The following OTOF variants were observed in gnomAD, a reference collection of about 807,000 sequenced individuals.
OTOF encodes otoferlin.
A neutral mutation model predicts 236.8 loss-of-function variants in OTOF; 218 were observed. The ratio of observed to expected loss-of-function variants is 0.92; its 90% CI spans 0.82 to 1.03. The LOEUF (loss-of-function observed/expected upper bound fraction) is 1.03. Ranked by LOEUF, OTOF falls within the 50% of genes least tolerant of loss-of-function variation. The pLI, the probability that OTOF is intolerant of heterozygous loss-of-function variation, is 0.00. For synonymous variants in OTOF, 1,041 were observed against 1,072.5 expected (o/e 0.97, Z 0.57); for missense variants, 2,590 against 2,694.4 (o/e 0.96, Z 0.86).
chr2:26,489,022 C>T (rs1665768087), intron 11 of OTOF, among the ~76,000 whole-genome samples, 189 bp downstream of exon 11: 1 of 152,254 alleles, frequency 6.6e-6, no homozygotes, highest in Non-Finnish European at 1.5e-5. Flanking sequence ...TGCGCAGTTG[C>T]TCACTGCATT....
In OTOF at chr2:26,503,760, C is replaced by G. The variant is rs201742228; in HGVS notation, c.583+12G>C. 10 of 1,611,956 alleles carry G rather than the reference C, an allele frequency of 6.2e-6. No homozygotes were observed. Among genetic ancestry groups the G allele is most frequent in the Non-Finnish European group, 8.5e-6 (10 of 1,178,236 alleles). Reference sequence around the variant, plus strand: ...GCGCGGGGCTGCGGGGCTCACGCGGCACCTGTCCTACCTGGTCTTTGGGGC... The same window carrying G: ...GCGCGGGGCTGCGGGGCTCACGCGGGACCTGTCCTACCTGGTCTTTGGGGC... On this transcript the variant is annotated intron_variant, in intron 6 of 46. Coordinates refer to ENST00000272371, the MANE Select transcript of OTOF (RefSeq NM_194248.3).
At chr2:26,547,560 G>T (rs1328075311) in intron 1 of OTOF, among the ~76,000 whole-genome samples, 1 of 152,188 alleles carries the variant, frequency 6.6e-6, no homozygotes, top group African/African-American at 2.4e-5. Flanking sequence ...TACAGGCCGG[G>T]TGTGGTGGCT....
intron 3 of OTOF, among the ~76,000 whole-genome samples, chr2:26,521,496 C>A (rs1666676679): frequency 6.6e-6 from 1 of 152,196 alleles, no homozygotes; most frequent in South Asian, 2.1e-4. Context: ...CCTGAGAGAC[C>A]TTGTCCAGCG....
intron 13 of OTOF, 34 bp from the exon 14 acceptor site, chr2:26,482,626 CAT>C: frequency 5.0e-6 from 8 of 1,590,218 alleles, no homozygotes; most frequent in Non-Finnish European, 6.9e-6. Context: ...GAGGGCGTGG[CAT>C]GTGTGTGTGA....
rs544738200 is a variant in OTOF at position 26,535,752 on chromosome 2, G to A, written c.138+1964C>T. ...CCTGCCTCTGGGATATCTCAAGCCC[G>A]GCCTGGCATGCACTAGATGCTCGGA... On this transcript the variant is annotated intron_variant, in intron 2 of 46. Transcript: ENST00000272371. 9.8e-5 allele frequency among the ~76,000 whole-genome samples: 15 copies of A among 152,300 alleles called. No homozygotes were observed. The South Asian group carries it at 2.1e-3, about 21-fold the overall frequency.
At chr2:26,459,937 C>T (rs1344411023) in intron 46 of OTOF, 71 bp downstream of exon 46, 20 of 1,377,400 alleles carry the variant, frequency 1.5e-5, no homozygotes, top group Middle Eastern at 2.5e-4. Context: ...TGGATGTGTG[C>T]GTGTATATGT....
In OTOF at chr2:26,503,825, G is replaced by A; in HGVS notation, c.530C>T (p.Ser177Phe). Reference sequence around the variant, plus strand: ...CCGGTTTTTGCCGAGCTTCATGGCGGAGAACACGCTCCTCCCGGCTCTGTG... The same window carrying A: ...CCGGTTTTTGCCGAGCTTCATGGCGAAGAACACGCTCCTCCCGGCTCTGTG... ...SFRRAGRSVF[S>F]AMKLGKNRSH... The change falls in exon 6 of 47, where the codon TCC becomes TTC. Residue 177 changes from serine (S) to phenylalanine (F), a missense_variant. Transcript: ENST00000272371. 6.2e-7 allele frequency: 1 copy of A among 1,614,186 alleles called. No individual in the cohort carries two copies. The highest frequency in any genetic ancestry group is 1.1e-5 in the South Asian group (1 of 91,086).
chr2:26,553,230 C>T (rs1318473267), intron 1 of OTOF, among the ~76,000 whole-genome samples: 2 of 152,178 alleles, frequency 1.3e-5, no homozygotes, highest in African/African-American at 4.8e-5. Context: ...CTTCCTATAG[C>T]CTCTGCTCCA....
chr2:26,537,659 G>T (rs1667105533), intron 2 of OTOF, 57 bp downstream of exon 2: 3 of 1,362,680 alleles, frequency 2.2e-6, no homozygotes, highest in Non-Finnish European at 3.1e-6. Context: ...GCAGCGAAGG[G>T]TGGCTGTTCC....
chr2:26,468,570 A>G (rs938444976), intron 32 of OTOF, 96 bp from the exon 33 acceptor site: 6 of 891,660 alleles, frequency 6.7e-6, no homozygotes, highest in African/African-American at 6.5e-5. Context: ...TTAATGCACT[A>G]GAAGTAGAAA....
chr2:26,537,306 C>T (rs1667094226), intron 2 of OTOF, among the ~76,000 whole-genome samples: 1 of 152,210 alleles, frequency 6.6e-6, no homozygotes, highest in Non-Finnish European at 1.5e-5. Flanking sequence ...TGCTCTTCAA[C>T]CCCTGGGGAC....
chr2:26,533,271 C>G (rs1057093486), intron 2 of OTOF, among the ~76,000 whole-genome samples: 1 of 152,218 alleles, frequency 6.6e-6, no homozygotes, highest in African/African-American at 2.4e-5. Flanking sequence ...GAAAAACTGT[C>G]TTCCACGAAA....
rs746676752 is a variant in OTOF at position 26,460,878 on chromosome 2, T to C, written c.5686A>G (p.Asn1896Asp). 9 of 1,614,022 alleles carry C rather than the reference T, an allele frequency of 5.6e-6. No individual in the cohort carries two copies. The South Asian group carries it at 9.9e-5, about 18-fold the overall frequency. The change falls in exon 44 of 47, where the codon AAT becomes GAT. Residue 1896 changes from asparagine to aspartate, a missense_variant. Physicochemically the swap from Asn to Asp is conservative, Grantham distance 23. This residue lies in a region of OTOF where 1,211 missense variants were observed against 1,352.8 expected (regional missense o/e 0.90). Transcript: ENST00000272371. The surrounding 1 kb of genome is among the most constrained non-coding windows in gnomAD (Gnocchi z 5.3). ...VKGWWPLLAR[N>D]ENDEFELTGK... ...GTGAGCTCAAACTCATCGTTCTCAT[T>C]GCGGGCCAGGAGGGGCCACCAGCCT...
chr2:26,507,218 AC>A (rs1666271515), intron 5 of OTOF, among the ~76,000 whole-genome samples: 1 of 152,210 alleles, frequency 6.6e-6, no homozygotes, highest in African/African-American at 2.4e-5. Context: ...CAGAATTCTT[AC>A]TACAGGCTCT....
intron 30 of OTOF, chr2:26,472,258 T>G (rs1665021698): frequency 5.7e-6 from 3 of 522,186 alleles, no homozygotes; most frequent in East Asian, 3.5e-5. Flanking sequence ...ATCACATGCA[T>G]GCACACACAC....
chr2:26,519,121 A>C lies in OTOF; in HGVS notation c.228-12T>G. On this transcript the variant is annotated splice_polypyrimidine_tract_variant and intron_variant, in intron 3 of 46. Transcript: ENST00000272371. ...AGGTCCCGATGAGCCTGGGGATGGCAGAGGGGGCACGGTGGTAACATGGAA... is the reference window on the plus strand; with the variant it reads ...AGGTCCCGATGAGCCTGGGGATGGCCGAGGGGGCACGGTGGTAACATGGAA... 6.4e-7 allele frequency: 1 copy of C among 1,554,580 alleles called. No homozygotes were observed. Among genetic ancestry groups the C allele is most frequent in the Non-Finnish European group, 8.8e-7 (1 of 1,132,088 alleles).
intron 22 of OTOF, 81 bp from the exon 23 acceptor site, chr2:26,476,398 G>T: frequency 7.3e-7 from 1 of 1,364,098 alleles, no homozygotes; most frequent in Non-Finnish European, 1.0e-6. Context: ...GCCGGCAGAG[G>T]CCCTGGTCAG....
chr2:26,514,664 C>A (rs551375041), intron 5 of OTOF, among the ~76,000 whole-genome samples: 1 of 152,212 alleles, frequency 6.6e-6, no homozygotes, highest in Non-Finnish European at 1.5e-5. Flanking sequence ...ATGTAACTTG[C>A]TGAACCCATT....
chr2:26,513,352 G>A (rs764934250), intron 5 of OTOF, among the ~76,000 whole-genome samples: 13 of 152,162 alleles, frequency 8.5e-5, no homozygotes, highest in Non-Finnish European at 7.4e-5. Context: ...GGCAGGGCTG[G>A]GGGGTGGACC....
Sources: allele counts gnomAD v4.1 joint callset (sites outside exome capture counted in the v4.1 genomes callset), GRCh38; gene constraint gnomAD v4.1.1; regional missense constraint gnomAD v4.1.1; non-coding constraint Gnocchi (gnomAD v3.1); transcripts MANE v1.5; gene names NCBI Gene and HGNC (gene_info 2026-07-23, HGNC 2026-07-21).